Variants in CCDC60 observed in about 807,000 individuals in gnomAD.
The protein encoded by CCDC60 is coiled-coil domain containing 60, also known as coiled-coil domain-containing protein 60.
Under a neutral mutation model 63.5 loss-of-function variants are expected in CCDC60, and 54 were observed. The ratio of observed to expected loss-of-function variants is 0.85; its 90% confidence interval spans 0.68 to 1.07. The LOEUF is 1.07. CCDC60 is among the 50% of genes least tolerant of loss of function. The probability of loss-of-function intolerance (pLI) is 0.00; values close to 1 mark genes in which losing one functional copy is unlikely to be tolerated. For synonymous variants in CCDC60, 206 were observed against 238.8 expected (o/e 0.86, Z 1.27); for missense variants, 651 against 684.3 (o/e 0.95, Z 0.54).
chr12:119,513,037 G>C (rs965587221), intron 7 of CCDC60, among the ~76,000 whole-genome samples: 3 of 152,190 alleles, frequency 2.0e-5, no homozygotes, highest in South Asian at 2.1e-4. Context: ...TGTAGTCACA[G>C]TCATCAAGGG....
intron 2 of CCDC60, among the ~76,000 whole-genome samples, chr12:119,462,338 AT>A (rs2136306623): frequency 6.6e-6 from 1 of 152,260 alleles, no homozygotes; most frequent in African/African-American, 2.4e-5. Flanking sequence ...CTTTTTAAAA[AT>A]CTTCAGCCAT....
At chr12:119,461,202 A>G in intron 2 of CCDC60, among the ~76,000 whole-genome samples, 1 of 152,134 alleles carries the variant, frequency 6.6e-6, no homozygotes, top group East Asian at 1.9e-4. Context: ...ATGGAGCCCT[A>G]TGTACTAGGT....
At chr12:119,396,956 G>A (rs981049236) in intron 1 of CCDC60, among the ~76,000 whole-genome samples, 1 of 152,238 alleles carries the variant, frequency 6.6e-6, no homozygotes, top group Non-Finnish European at 1.5e-5. Flanking sequence ...TCCTTCAGAT[G>A]TTCAGATGTG....
chr12:119,431,246 TC>T (rs1227382909), intron 2 of CCDC60, among the ~76,000 whole-genome samples: 1 of 152,186 alleles, frequency 6.6e-6, no homozygotes, highest in African/African-American at 2.4e-5. Flanking sequence ...GAAATCAGTA[TC>T]CCCGAGCATA....
intron 1 of CCDC60, among the ~76,000 whole-genome samples, chr12:119,360,375 T>A (rs1955769576): frequency 1.2e-5 from 1 of 85,008 alleles, no homozygotes; most frequent in African/African-American, 5.0e-5. Context: ...ACGGGGCGGC[T>A]GGCCGGGCGG....
chr12:119,338,525 A>G (rs1955498442), intron 1 of CCDC60, among the ~76,000 whole-genome samples: 1 of 152,164 alleles, frequency 6.6e-6, no homozygotes, highest in South Asian at 2.1e-4. Flanking sequence ...CAAGGAACAG[A>G]ACTGGGATTT....
intron 1 of CCDC60, among the ~76,000 whole-genome samples, chr12:119,397,253 G>C (rs553314596): frequency 6.6e-6 from 1 of 152,184 alleles, no homozygotes; most frequent in South Asian, 2.1e-4. Flanking sequence ...ACACTTCCAT[G>C]ATCTGAAAAG....
chr12:119,335,125 TG>T lies in CCDC60; in HGVS notation c.-50del. On this transcript the variant is annotated 5_prime_UTR_variant, in exon 1 of 14. Coordinates refer to ENST00000327554, the MANE Select transcript of CCDC60 (RefSeq NM_178499.5). ...CAGTAACTACTGAAGTAGAAGATTC[TG>T]GAAAAATCCTTGTCTTGGGGGCACA... 1 of 1,478,176 alleles carries T rather than the reference TG, an allele frequency of 6.8e-7. No individual in the cohort carries two copies. Among genetic ancestry groups the T allele is most frequent in the Non-Finnish European group, 9.3e-7 (1 of 1,077,338 alleles). 91.6% of individuals were successfully genotyped at this position (1,478,176 alleles called of 1,614,324 possible).
At chr12:119,335,413 C>T in intron 1 of CCDC60, 147 bp downstream of exon 1, 1 of 540,620 alleles carries the variant, frequency 1.8e-6, no homozygotes. Context: ...ACAGTCCCAC[C>T]AACAGTGTAA....
chr12:119,507,599 TATATA>T (rs1952076181), intron 7 of CCDC60, among the ~76,000 whole-genome samples: 1 of 22,924 alleles, frequency 4.4e-5, no homozygotes, highest in African/African-American at 3.5e-4. Context: ...TACATATATA[TATATA>T]TATATATATA....
chr12:119,527,067 G>A (rs1952697454), intron 11 of CCDC60, among the ~76,000 whole-genome samples: 1 of 152,146 alleles, frequency 6.6e-6, no homozygotes, highest in Admixed American at 6.5e-5. Context: ...TTCATACCAT[G>A]GAATATTATG....
At chr12:119,381,577 A>G (rs1956008193) in intron 1 of CCDC60, among the ~76,000 whole-genome samples, 1 of 152,178 alleles carries the variant, frequency 6.6e-6, no homozygotes, top group Non-Finnish European at 1.5e-5. Context: ...AGTGGTAGTA[A>G]TCACTGCTCC....
intron 8 of CCDC60, among the ~76,000 whole-genome samples, chr12:119,518,131 C>A (rs1952404022): frequency 1.3e-5 from 2 of 152,148 alleles, no homozygotes; most frequent in Admixed American, 6.5e-5. Context: ...CTCATTGGGG[C>A]TGCTCTGGAA....
intron 11 of CCDC60, among the ~76,000 whole-genome samples, chr12:119,524,716 C>CTTTTTTTTTTTTTT (rs1416953138): frequency 9.2e-4 from 83 of 90,542 alleles, no homozygotes; most frequent in African/African-American, 2.0e-3. Flanking sequence ...CTTTTCTTTT[C>CTTTTTTTTTTTTTT]TTTTCTTTTT....
At chr12:119,391,874 C>T (rs1236994907) in intron 1 of CCDC60, among the ~76,000 whole-genome samples, 1 of 152,068 alleles carries the variant, frequency 6.6e-6, no homozygotes, top group Non-Finnish European at 1.5e-5. Flanking sequence ...AGTGGGGTCC[C>T]GCAGCATACC....
chr12:119,350,205 A>T (rs1359509775), intron 1 of CCDC60, among the ~76,000 whole-genome samples: 2 of 119,200 alleles, frequency 1.7e-5, no homozygotes, highest in African/African-American at 3.0e-5. Context: ...TTATTTATTT[A>T]TTTATTTTTT....
chr12:119,433,862 A>C (rs556045405), intron 2 of CCDC60, among the ~76,000 whole-genome samples: 47 of 152,342 alleles, frequency 3.1e-4, no homozygotes, highest in Admixed American at 9.1e-4. Flanking sequence ...TCAGATGTTC[A>C]GTGGCACTAA....
At chr12:119,486,513 C>T (rs1473854218) in intron 4 of CCDC60, among the ~76,000 whole-genome samples, 1 of 152,028 alleles carries the variant, frequency 6.6e-6, no homozygotes, top group African/African-American at 2.4e-5. Context: ...GTCTCTTAAA[C>T]AAATGTTTTA....
chr12:119,373,181 C>A (rs1955915284), intron 1 of CCDC60, among the ~76,000 whole-genome samples: 1 of 152,146 alleles, frequency 6.6e-6, no homozygotes. Flanking sequence ...AACCCTGGAG[C>A]AACTTCAACT....
Sources: allele counts gnomAD v4.1 joint callset (sites outside exome capture counted in the v4.1 genomes callset), GRCh38; gene constraint gnomAD v4.1.1; transcripts MANE v1.5; gene names NCBI Gene and HGNC (gene_info 2026-07-23, HGNC 2026-07-21).